NREP: variants seen among roughly 807,000 people sequenced by gnomAD.
The protein encoded by NREP is neuronal regeneration related protein, also known as neuronal regeneration-related protein.
Under a neutral mutation model 8.6 loss-of-function variants are expected in NREP, and 5 were observed. The ratio of observed to expected loss-of-function variants is 0.58; its 90% CI spans 0.30 to 1.22. The LOEUF (loss-of-function observed/expected upper bound fraction) is 1.22. Among genes scored for constraint, NREP ranks in the 50% most tolerant of loss-of-function variants. The pLI is 0.07. For synonymous variants in NREP, 27 were observed against 28.0 expected (o/e 0.96, Z 0.11); for missense variants, 86 against 82.5 (o/e 1.04, Z -0.17).
chr5:111,792,436 A>G (rs952616185), intron 2 of NREP, among the ~76,000 whole-genome samples: 1 of 152,356 alleles, frequency 6.6e-6, no homozygotes, highest in East Asian at 1.9e-4. Flanking sequence ...TCAACATATT[A>G]AAAGAAAATA....
At chr5:111,935,489 C>T (rs1382282456) in intron 2 of NREP, among the ~76,000 whole-genome samples, 1 of 152,106 alleles carries the variant, frequency 6.6e-6, no homozygotes, top group Non-Finnish European at 1.5e-5. Flanking sequence ...TGAAGTCTTA[C>T]TCCTTTCTAC....
intron 2 of NREP, among the ~76,000 whole-genome samples, chr5:111,747,971 T>C (rs1423063753): frequency 6.6e-6 from 1 of 152,170 alleles, no homozygotes; most frequent in African/African-American, 2.4e-5. Flanking sequence ...AGATTTGGTC[T>C]ACTGTCATGA....
intron 2 of NREP, among the ~76,000 whole-genome samples, chr5:111,773,142 T>A (rs255890): frequency 0.051 from 7,779 of 152,180 alleles, 356 homozygotes; most frequent in East Asian, 0.23. Flanking sequence ...CCTTTTTTTT[T>A]AAATTTTTTT....
intron 2 of NREP, among the ~76,000 whole-genome samples, chr5:111,922,235 C>A (rs1293600253): frequency 6.6e-6 from 1 of 151,962 alleles, no homozygotes. Flanking sequence ...TTTTTTCTAC[C>A]TTTCTTGAGG....
intron 2 of NREP, among the ~76,000 whole-genome samples, chr5:111,957,485 T>C (rs1368767200): frequency 6.6e-6 from 1 of 151,930 alleles, no homozygotes; most frequent in Non-Finnish European, 1.5e-5. Context: ...ACCTATCTTA[T>C]ATGAACTAGA....
chr5:111,942,978 T>C (rs1175786423), intron 2 of NREP, among the ~76,000 whole-genome samples: 1 of 151,826 alleles, frequency 6.6e-6, no homozygotes, highest in African/African-American at 2.4e-5. Flanking sequence ...TAGGCAGCAC[T>C]CAATAAATGG....
At chr5:111,975,441 G>C in intron 1 of NREP, 1 of 1,110,060 alleles carries the variant, frequency 9.0e-7, no homozygotes, top group East Asian at 2.6e-5. Context: ...ACAACTCACA[G>C]CTCCAGCAAT....
At chr5:111,779,798 A>C (rs1751450290) in intron 2 of NREP, among the ~76,000 whole-genome samples, 1 of 152,224 alleles carries the variant, frequency 6.6e-6, no homozygotes, top group Non-Finnish European at 1.5e-5. Context: ...AAGGCAACTC[A>C]ATCAGATGCT....
At chr5:111,805,810 T>A (rs1752127042) in intron 2 of NREP, among the ~76,000 whole-genome samples, 1 of 152,168 alleles carries the variant, frequency 6.6e-6, no homozygotes, top group South Asian at 2.1e-4. Context: ...AATTGGTGAA[T>A]CTAGATTTCA....
In NREP at chr5:111,849,316, TC is replaced by T. The variant is rs537533872; in HGVS notation, c.136-113810del. 7.9e-5 allele frequency among the ~76,000 whole-genome samples: 12 copies of T among 152,154 alleles called. No homozygotes were observed. In the East Asian group the frequency reaches 2.1e-3, roughly 27 times the overall value. On this transcript the variant is annotated intron_variant, in intron 2 of 3. Coordinates refer to the NREP transcript ENST00000395634. ...AGGCACTAGGGAAAAAACACGGTGT[TC>T]CAGTCAGCTGAAGAAATTGAGGGAG...
intron 2 of NREP, among the ~76,000 whole-genome samples, chr5:111,954,524 C>T (rs587666): frequency 0.98 from 148,824 of 152,252 alleles, 72,785 homozygotes; most frequent in Non-Finnish European, 0.99. Context: ...CATTTTGATA[C>T]CATTGAAGTA....
intron 2 of NREP, among the ~76,000 whole-genome samples, chr5:111,956,472 C>A (rs1020807446): frequency 6.7e-6 from 1 of 148,408 alleles, no homozygotes; most frequent in African/African-American, 2.5e-5. Context: ...TTGAAGAGAC[C>A]TAAAAAAAAT....
chr5:111,782,084 T>A (rs1324448272), intron 2 of NREP, among the ~76,000 whole-genome samples: 1 of 152,216 alleles, frequency 6.6e-6, no homozygotes, highest in Non-Finnish European at 1.5e-5. Flanking sequence ...TCTAGAAATG[T>A]CATTAATAAT....
At chr5:111,785,901 T>C (rs1345627770) in intron 2 of NREP, among the ~76,000 whole-genome samples, 1 of 151,884 alleles carries the variant, frequency 6.6e-6, no homozygotes, top group Non-Finnish European at 1.5e-5. Context: ...AGGAGATGGA[T>C]AGGGAGAGGG....
At chr5:111,952,526 A>G (rs746091398) in intron 2 of NREP, among the ~76,000 whole-genome samples, 11 of 152,130 alleles carry the variant, frequency 7.2e-5, no homozygotes, top group Non-Finnish European at 1.5e-4. Context: ...CCTTGTGGAT[A>G]TTTCTACAAC....
chr5:111,961,324 G>A (rs1561370133), intron 2 of NREP, among the ~76,000 whole-genome samples: 1 of 152,140 alleles, frequency 6.6e-6, no homozygotes, highest in Non-Finnish European at 1.5e-5. Context: ...GTCTGAAGAG[G>A]AAAATAAGTG....
intron 2 of NREP, among the ~76,000 whole-genome samples, chr5:111,794,242 T>C (rs1751824862): frequency 6.6e-6 from 1 of 152,202 alleles, no homozygotes; most frequent in Non-Finnish European, 1.5e-5. Flanking sequence ...GCTGCAGTCA[T>C]TTGGGAAGAC....
intron 2 of NREP, among the ~76,000 whole-genome samples, chr5:111,789,569 A>G (rs770194789): frequency 6.6e-5 from 10 of 152,294 alleles, no homozygotes; most frequent in Non-Finnish European, 1.3e-4. Flanking sequence ...GGGATATGCC[A>G]CTGTTTGCTC....
At chr5:111,967,480 CA>C (rs1484100744) in intron 2 of NREP, among the ~76,000 whole-genome samples, 1 of 152,208 alleles carries the variant, frequency 6.6e-6, no homozygotes, top group Non-Finnish European at 1.5e-5. Flanking sequence ...TCTACCACAG[CA>C]AAGCTAAAGT....
Sources: allele counts gnomAD v4.1 joint callset (sites outside exome capture counted in the v4.1 genomes callset), GRCh38; gene constraint gnomAD v4.1.1; transcripts MANE v1.5; gene names NCBI Gene and HGNC (gene_info 2026-07-23, HGNC 2026-07-21).